Variants in TYMP observed in about 807,000 individuals in gnomAD.
TYMP encodes the protein thymidine phosphorylase.
TYMP carries 46 observed loss-of-function variants against 42.3 expected under a neutral mutation model. That is an observed-to-expected ratio of 1.09 (90% CI 0.86 to 1.39). TYMP has a LOEUF of 1.39. Ranked by LOEUF, TYMP falls within the 40% of genes most tolerant of loss-of-function variation. The pLI, the probability that TYMP is intolerant of heterozygous loss-of-function variation, is 0.00. For synonymous variants in TYMP, 363 were observed against 308.0 expected (o/e 1.18, Z -1.87); for missense variants, 837 against 677.6 (o/e 1.24, Z -2.61).
At position 50,526,372 on chromosome 22, in the gene TYMP, G is replaced by C. The variant is rs1415931943; in HGVS notation, c.1033C>G (p.Arg345Gly). 6 of 1,538,158 alleles carry C rather than the reference G, an allele frequency of 3.9e-6. No homozygotes were observed. Among genetic ancestry groups the C allele is most frequent in the Non-Finnish European group, 5.2e-6 (6 of 1,153,548 alleles). ...TCCACGCCCTGCGCCGCCAGCATCC[G>C]CTCGAAGCGGCCAAGGGCCGAGCCG... ...DDGSALGRFE[R>G]MLAAQGVDPG... is the part of the protein sequence containing the mutation. Residue 345 changes from arginine (R) to glycine (G), a missense_variant, in exon 8 of 10, where the codon CGG becomes GGG. Coordinates refer to ENST00000252029, the MANE Select transcript of TYMP (RefSeq NM_001953.5).
At chr22:50,528,650 TC>T in intron 3 of TYMP, 40 bp from the exon 4 acceptor site, 4 of 1,479,216 alleles carry the variant, frequency 2.7e-6, no homozygotes, top group South Asian at 1.1e-5. Flanking sequence ...ACAGTACCCC[TC>T]CCCCACCTCT....
Position 50,526,478 on chromosome 22 carries a change from T to TGCGG in TYMP, c.929-6_929-3dup. ...CGCTGAGCCAGAGCAGGGCGCCCCCTGCGGGCGGGGACGGGTCTTAGGCGC... is the reference window on the plus strand; with the variant it reads ...CGCTGAGCCAGAGCAGGGCGCCCCCTGCGGGCGGGCGGGGACGGGTCTTAGGCGC... On this transcript the variant is annotated splice_region_variant and splice_polypyrimidine_tract_variant and intron_variant, in intron 7 of 9. Transcript: ENST00000252029. 6.7e-7 allele frequency: 1 copy of TGCGG among 1,491,360 alleles called. No individual in the cohort carries two copies. Among genetic ancestry groups the TGCGG allele is most frequent in the Non-Finnish European group, 8.9e-7 (1 of 1,128,488 alleles). The allele number at this position is 1,491,360 out of a possible 1,614,324, so 92.4% of individuals were successfully genotyped here.
Position 50,525,758 on chromosome 22 carries a change from G to C in TYMP, c.*12C>G, listed in dbSNP as rs750950409. On this transcript the variant is annotated 3_prime_UTR_variant, in exon 10 of 10. Coordinates refer to ENST00000252029, the MANE Select transcript of TYMP (RefSeq NM_001953.5). ...CGCCCAAGCACTGACAAGGTTTCGC[G>C]GCAAAGGAGCTTTATTGCTGCGGCG... The C allele has an allele frequency of 8.1e-6, 13 of 1,609,844 alleles. No homozygotes were observed. The highest frequency in any genetic ancestry group is 2.7e-5 in the African/African-American group (2 of 74,952).
Position 50,528,596 on chromosome 22 carries a change from G to C in TYMP, c.432C>G (p.Ser144Arg). The change falls in exon 4 of 10, where the codon AGC becomes AGG. Residue 144 changes from serine to arginine, a missense_variant. Physicochemically the swap from Ser to Arg is moderately radical, Grantham distance 110 (BLOSUM62 -1). Transcript: ENST00000252029. ...AACGCKVPMI[S>R]GRGLGHTGGT... ...CTCCTGTGTGCCCCAGACCACGTCC[G>C]CTGATCATTGGCACCTGGTGGTCAG... 6.2e-7 allele frequency: 1 copy of C among 1,613,534 alleles called. No individual in the cohort carries two copies. The highest frequency in any genetic ancestry group is 8.5e-7 in the Non-Finnish European group (1 of 1,179,856).
intron 4 of TYMP, chr22:50,528,207 G>T: frequency 2.2e-6 from 1 of 457,104 alleles, no homozygotes; most frequent in Non-Finnish European, 4.1e-6. Context: ...GTTTTGCCGT[G>T]TTATCCAGGC....
intron 1 of TYMP, 50 bp downstream of exon 1, chr22:50,529,854 C>T (rs2069528865): frequency 4.0e-6 from 3 of 757,618 alleles, no homozygotes; most frequent in Non-Finnish European, 6.3e-6. Context: ...TCGCCCTCGT[C>T]CGTGTCTGCC....
intron 3 of TYMP, 195 bp from the exon 4 acceptor site, chr22:50,528,805 GTC>G: frequency 1.6e-6 from 1 of 638,644 alleles, no homozygotes; most frequent in South Asian, 1.8e-5. Context: ...GTTGGTACCT[GTC>G]CTTGGGGAAA....
Position 50,526,063 on chromosome 22 carries a change from TC to T in TYMP, c.1237del (p.Glu413SerfsTer?). 1 of 1,482,606 alleles carries T rather than the reference TC, an allele frequency of 6.7e-7. No individual in the cohort carries two copies. The highest frequency in any genetic ancestry group is 2.3e-5 in the Admixed American group (1 of 43,740). 91.8% of individuals were successfully genotyped at this position (1,482,606 alleles called of 1,614,324 possible). A position where few individuals can be genotyped will look rare whatever the true frequency, so the allele number is the denominator to read the frequency against. On this transcript the variant is annotated frameshift_variant, in exon 9 of 10. Coordinates refer to ENST00000252029, the MANE Select transcript of TYMP (RefSeq NM_001953.5). LOFTEE classifies it high-confidence loss of function. ...TGCGCCCACCCCCAGGCGGAGCGGC[TC>T]CCCAGCGCGGCTGCGCCCGGCCCCG... ...ELGAGRSRAG[E>X]PLRLGVGAEL...
Position 50,529,192 on chromosome 22 carries a change from C to T in TYMP, c.361G>A (p.Val121Met), listed in dbSNP as rs1159212438. The change falls in exon 3 of 10, where the codon GTG (valine) becomes ATG (methionine). Residue 121 changes from valine (V) to methionine (M), a missense_variant. By Grantham distance (21) the Val-to-Met change is conservative. Transcript: ENST00000252029. Reference protein sequence around the residue: ...QLVDKHSTGGVGDKVSLVLAP... With the variant: ...QLVDKHSTGGMGDKVSLVLAP... ...AGGACCAGGCTGACCTTGTCACCCA[C>T]ACCCCCTGTGGAATGCTTGTCCACA... 6.2e-7 allele frequency: 1 copy of T among 1,613,208 alleles called. No individual in the cohort carries two copies. Among genetic ancestry groups the T allele is most frequent in the African/African-American group, 1.3e-5 (1 of 74,930 alleles).
intron 7 of TYMP, 44 bp downstream of exon 7, chr22:50,526,531 AG>A: frequency 6.5e-7 from 1 of 1,540,688 alleles, no homozygotes; most frequent in East Asian, 2.5e-5. Context: ...CCCAGCGGGA[AG>A]CACCCCCCGC....
Position 50,526,416 on chromosome 22 carries a change from A to G in TYMP, c.989T>C (p.Val330Ala). ...AGTQAQGAAR[V>A]AAALDDGSAL... ...CGAGCCGTCGTCCAGCGCCGCGGCC[A>G]CCCGGGCAGCGCCCTGGGCCTGAGT... Residue 330 changes from valine (V) to alanine (A), a missense_variant, in exon 8 of 10, where the codon GTG (valine) becomes GCG (alanine). Physicochemically the swap from Val to Ala is moderately conservative, Grantham distance 64. Transcript: ENST00000252029. 6.6e-7 allele frequency: 1 copy of G among 1,510,046 alleles called. No individual in the cohort carries two copies. Among genetic ancestry groups the G allele is most frequent in the African/African-American group, 1.4e-5 (1 of 69,042 alleles). The allele number at this position is 1,510,046 out of a possible 1,614,324, so 93.5% of individuals were successfully genotyped here. A position where few individuals can be genotyped will look rare whatever the true frequency, so the allele number is the denominator to read the frequency against.
chr22:50,529,944 A>C lies in TYMP; in HGVS notation c.-51T>G, dbSNP rs895613086. ...CCCTCGCCCGCTTGCTCCGGATCCCAGCCCAGGTACCCGGCCTCGCCCGCG... is the reference window on the plus strand; with the variant it reads ...CCCTCGCCCGCTTGCTCCGGATCCCCGCCCAGGTACCCGGCCTCGCCCGCG... On this transcript the variant is annotated 5_prime_UTR_variant, in exon 1 of 10. Transcript: ENST00000252029. 3 of 585,522 alleles carry C rather than the reference A, an allele frequency of 5.1e-6. No homozygotes were observed. Among genetic ancestry groups the C allele is most frequent in the Non-Finnish European group, 9.1e-6 (3 of 329,044 alleles). The allele number at this position is 585,522 out of a possible 1,614,324, so 36.3% of individuals were successfully genotyped here. A position where few individuals can be genotyped will look rare whatever the true frequency, so the allele number is the denominator to read the frequency against.
Position 50,529,917 on chromosome 22 carries a change from T to C in TYMP, c.-24A>G, listed in dbSNP as rs921271717. On this transcript the variant is annotated 5_prime_UTR_variant, in exon 1 of 10. Coordinates refer to ENST00000252029, the MANE Select transcript of TYMP (RefSeq NM_001953.5). ...CCCCGCCCGTACCTGCTTAGGGCGC[T>C]GCCCTCGCCCGCTTGCTCCGGATCC... 3 of 604,490 alleles carry C rather than the reference T, an allele frequency of 5.0e-6. No homozygotes were observed. The highest frequency in any genetic ancestry group is 8.7e-6 in the Non-Finnish European group (3 of 342,996). The allele number at this position is 604,490 out of a possible 1,614,324, so 37.4% of individuals were successfully genotyped here.
At position 50,527,569 on chromosome 22, in the gene TYMP, G is replaced by T; in HGVS notation, c.646+19C>A. 1 of 1,613,956 alleles carries T rather than the reference G, an allele frequency of 6.2e-7. No homozygotes were observed. The highest frequency in any genetic ancestry group is 8.5e-7 in the Non-Finnish European group (1 of 1,180,018). Reference sequence around the variant, plus strand: ...AGGAGCCTGTGAACATGCAGAAGCAGGCCATGGAGTCAGGTCACCTGTGAT... The same window carrying T: ...AGGAGCCTGTGAACATGCAGAAGCATGCCATGGAGTCAGGTCACCTGTGAT... On this transcript the variant is annotated intron_variant, in intron 5 of 9. Transcript: ENST00000252029.
At chr22:50,529,425 C>G in intron 2 of TYMP, 71 bp downstream of exon 2, 1 of 1,605,644 alleles carries the variant, frequency 6.2e-7, no homozygotes, top group South Asian at 1.1e-5. Context: ...ACCGTCGCAC[C>G]CCCAGGGACC....
chr22:50,525,969 T>TGCGGGGCC, intron 9 of TYMP, 32 bp downstream of exon 9: 4 of 1,372,786 alleles, frequency 2.9e-6, no homozygotes, highest in Admixed American at 3.6e-5. Context: ...TGGGCGGGGG[T>TGCGGGGCC]GCGGGGCCAG....
intron 5 of TYMP, 148 bp from the exon 6 acceptor site, chr22:50,527,431 A>T: frequency 7.6e-7 from 1 of 1,316,322 alleles, no homozygotes; most frequent in Non-Finnish European, 1.1e-6. Flanking sequence ...TGGGTTGAGT[A>T]TCAGGCCACC....
Position 50,526,011 on chromosome 22 carries a change from C to A in TYMP, c.1290G>T (p.Arg430Ser). The change falls in exon 9 of 10, where the codon AGG (arginine) becomes AGT (serine). Residue 430 changes from arginine (R) to serine (S), a missense_variant. Coordinates refer to ENST00000252029, the MANE Select transcript of TYMP (RefSeq NM_001953.5). ...GAELLVDVGQ[R>S]LRRGTPWLRV... ...GGGGGCGGCGCTCACCACGGCGCAG[C>A]CTCTGACCCACGTCGACCAGCAGCT... 6.8e-7 allele frequency: 1 copy of A among 1,462,934 alleles called. No homozygotes were observed. Among genetic ancestry groups the A allele is most frequent in the Non-Finnish European group, 9.0e-7 (1 of 1,114,062 alleles). The allele number at this position is 1,462,934 out of a possible 1,614,324, so 90.6% of individuals were successfully genotyped here.
chr22:50,529,396 C>T, intron 2 of TYMP, 58 bp from the exon 3 acceptor site: 1 of 1,606,222 alleles, frequency 6.2e-7, no homozygotes, highest in South Asian at 1.1e-5. Flanking sequence ...CACCCTGGGG[C>T]CGGTGCTGGT....
Sources: gnomAD v4.1 joint callset for allele counts on GRCh38, gnomAD v4.1.1 for gene constraint, MANE v1.5 for transcripts, NCBI Gene and HGNC (gene_info 2026-07-23, HGNC 2026-07-21) for gene names.